DNAH14: variants seen among roughly 807,000 people sequenced by gnomAD.
The protein encoded by DNAH14 is dynein axonemal heavy chain 14.
Under a neutral mutation model 520.9 loss-of-function variants are expected in DNAH14, and 478 were observed. The ratio of observed to expected loss-of-function variants is 0.92; its 90% CI spans 0.85 to 0.99. The LOEUF (loss-of-function observed/expected upper bound fraction) is 0.99, where lower values mean the gene tolerates loss of function less well. Among genes scored for constraint, DNAH14 ranks in the 50% least tolerant of loss-of-function variants. DNAH14 has a pLI of 0.00. For missense variants in DNAH14, 4,831 were observed against 5,234.5 expected (o/e 0.92, Z 2.38); for synonymous variants, 1,581 against 1,757.2 (o/e 0.90, Z 2.51).
At chr1:224,932,055 G>T (rs2058731310) in intron 1 of DNAH14, among the ~76,000 whole-genome samples, 1 of 152,084 alleles carries the variant, frequency 6.6e-6, no homozygotes, top group Non-Finnish European at 1.5e-5. Flanking sequence ...GGCTGTGCTA[G>T]TTTACATACC....
chr1:225,212,860 C>T (rs2088653465), intron 41 of DNAH14, among the ~76,000 whole-genome samples: 1 of 152,120 alleles, frequency 6.6e-6, no homozygotes, highest in Non-Finnish European at 1.5e-5. Flanking sequence ...CTGTAGGTTG[C>T]ATTTTCACTC....
intron 8 of DNAH14, among the ~76,000 whole-genome samples, chr1:224,984,710 A>C (rs1301680668): frequency 6.6e-6 from 1 of 152,078 alleles, no homozygotes; most frequent in Non-Finnish European, 1.5e-5. Flanking sequence ...AAACAATCCC[A>C]TCAAAAGTGG....
intron 42 of DNAH14, among the ~76,000 whole-genome samples, chr1:225,237,065 T>C (rs2091640286): frequency 6.6e-6 from 1 of 152,206 alleles, no homozygotes; most frequent in African/African-American, 2.4e-5. Flanking sequence ...CTCCCATCCC[T>C]TTATTTTCAG....
At chr1:225,125,007 G>A (rs886977559) in intron 27 of DNAH14, among the ~76,000 whole-genome samples, 5 of 152,160 alleles carry the variant, frequency 3.3e-5, no homozygotes, top group African/African-American at 1.2e-4. Context: ...GACTGGATGT[G>A]TTGTTAGTGA....
At chr1:225,277,319 C>T in intron 53 of DNAH14, 91 bp from the exon 54 acceptor site, 3 of 400,430 alleles carry the variant, frequency 7.5e-6, no homozygotes, top group Admixed American at 3.0e-5. Flanking sequence ...AGTTATTCTC[C>T]TTTCTGTAAG....
At chr1:225,380,648 T>C (rs1293343414) in intron 80 of DNAH14, among the ~76,000 whole-genome samples, 1 of 152,194 alleles carries the variant, frequency 6.6e-6, no homozygotes, top group East Asian at 1.9e-4. Flanking sequence ...CTCTGCCTTC[T>C]GGAACAGCGG....
At chr1:225,181,618 G>A (rs2149292922) in intron 36 of DNAH14, among the ~76,000 whole-genome samples, 1 of 152,164 alleles carries the variant, frequency 6.6e-6, no homozygotes, top group Non-Finnish European at 1.5e-5. Context: ...CCTCTTATAT[G>A]TCTTCTTTTG....
intron 10 of DNAH14, among the ~76,000 whole-genome samples, chr1:225,015,207 T>G (rs2065114720): frequency 6.6e-6 from 1 of 152,204 alleles, no homozygotes; most frequent in Non-Finnish European, 1.5e-5. Context: ...GTAGGTTTCT[T>G]GTAGGCAGCA....
chr1:224,975,286 G>T (rs564904246), intron 8 of DNAH14, among the ~76,000 whole-genome samples: 6 of 152,182 alleles, frequency 3.9e-5, no homozygotes, highest in African/African-American at 1.4e-4. Flanking sequence ...GATTGGAATA[G>T]TTTCAGAAGG....
intron 75 of DNAH14, among the ~76,000 whole-genome samples, chr1:225,364,233 A>G (rs2095526325): frequency 6.6e-6 from 1 of 152,216 alleles, no homozygotes; most frequent in African/African-American, 2.4e-5. Context: ...GACCATGTAC[A>G]GACATTAAAC....
Position 225,240,957 on chromosome 1 carries a change from A to G in DNAH14, c.6748+135A>G. 8 of 679,872 alleles carry G rather than the reference A, an allele frequency of 1.2e-5. No homozygotes were observed. In the South Asian group the frequency reaches 2.0e-4, roughly 17 times the overall value. The allele number at this position is 679,872 out of a possible 1,614,324, so 42.1% of individuals were successfully genotyped here. On this transcript the variant is annotated intron_variant, in intron 43 of 85. Transcript: ENST00000682510. ...AAAAAGAAGGTTTATAATATACCCA[A>G]TACCCTCATTATAGTGAAAGAAGCT... is the stretch of plus-strand genomic sequence containing the variant.
At chr1:225,098,933 G>A (rs1390245262) in intron 22 of DNAH14, among the ~76,000 whole-genome samples, 1 of 152,134 alleles carries the variant, frequency 6.6e-6, no homozygotes, top group African/African-American at 2.4e-5. Flanking sequence ...TAGTGGATCT[G>A]CCTTTGAGTA....
chr1:225,074,148 C>T (rs922533202), intron 17 of DNAH14, among the ~76,000 whole-genome samples: 23 of 151,434 alleles, frequency 1.5e-4, no homozygotes, highest in South Asian at 4.2e-4. Flanking sequence ...TACAGGCGCC[C>T]GCCACTACGC....
intron 38 of DNAH14, among the ~76,000 whole-genome samples, chr1:225,200,553 C>T (rs1194881459): frequency 6.6e-6 from 1 of 152,092 alleles, no homozygotes. Context: ...TGAATTCTCT[C>T]AGCGTTTGTT....
chr1:225,135,081 CA>C, intron 27 of DNAH14, among the ~76,000 whole-genome samples: 1 of 152,168 alleles, frequency 6.6e-6, no homozygotes, highest in South Asian at 2.1e-4. Flanking sequence ...ATTAGCCTAG[CA>C]AATGGTGTAT....
At chr1:225,286,131 AT>A (rs1164969247) in intron 54 of DNAH14, among the ~76,000 whole-genome samples, 5 of 152,222 alleles carry the variant, frequency 3.3e-5, no homozygotes, top group Non-Finnish European at 7.3e-5. Flanking sequence ...GAGTAGAATT[AT>A]GGGTATTAGA....
At chr1:225,140,619 AC>A in intron 27 of DNAH14, 148 bp from the exon 28 acceptor site, 1 of 624,662 alleles carries the variant, frequency 1.6e-6, no homozygotes, top group Non-Finnish European at 2.6e-6. Flanking sequence ...CCTCAAATAC[AC>A]ACAAATGTGT....
chr1:224,966,039 A>T (rs2061149319), intron 5 of DNAH14, among the ~76,000 whole-genome samples: 1 of 152,156 alleles, frequency 6.6e-6, no homozygotes, highest in African/African-American at 2.4e-5. Context: ...ATTTGTATCT[A>T]CCTTGTTTCT....
chr1:225,000,847 G>A (rs557144290), intron 8 of DNAH14, among the ~76,000 whole-genome samples: 2 of 151,834 alleles, frequency 1.3e-5, no homozygotes, highest in South Asian at 2.1e-4. Context: ...TTTCCATTTG[G>A]TTCTTCTTTA....
Sources: allele counts gnomAD v4.1 joint callset (sites outside exome capture counted in the v4.1 genomes callset), GRCh38; gene constraint gnomAD v4.1.1; transcripts MANE v1.5; gene names NCBI Gene and HGNC (gene_info 2026-07-23, HGNC 2026-07-21).